Variants in FBF1 observed in about 807,000 individuals in gnomAD.
FBF1 encodes Fas binding factor 1, also known as fas-binding factor 1.
In FBF1, 119 loss-of-function variants were observed where a neutral mutation model predicts 147.2. That is an observed-to-expected ratio of 0.81 (90% CI 0.70 to 0.94). FBF1 has a LOEUF of 0.94. Among genes scored for constraint, FBF1 ranks in the 40% least tolerant of loss-of-function variants. The pLI is 0.00. For missense variants in FBF1, 1,449 were observed against 1,500.8 expected (o/e 0.97, Z 0.57); for synonymous variants, 601 against 609.0 (o/e 0.99, Z 0.19).
intron 8 of FBF1, 149 bp downstream of exon 8, chr17:75,927,927 G>A (rs1379913208): frequency 6.1e-6 from 4 of 650,716 alleles, no homozygotes; most frequent in South Asian, 2.0e-5. Context: ...ACACACACAC[G>A]CACAAATGCT....
At chr17:75,938,975 A>G (rs1405071156) in intron 1 of FBF1, among the ~76,000 whole-genome samples, 1 of 151,938 alleles carries the variant, frequency 6.6e-6, no homozygotes, top group Non-Finnish European at 1.5e-5. Flanking sequence ...AAAATTCCTT[A>G]TAGGGGATGC....
In FBF1 at chr17:75,923,740, C is replaced by T. The variant is rs538310627; in HGVS notation, c.969-99G>A. ...GGCGTCACGATGCCCAGGGACCCTG[C>T]ACAGTCAGCTGAGGCCCAGTGAGCA... On this transcript the variant is annotated intron_variant, in intron 13 of 29. Transcript: ENST00000636174. This position sits in a 1 kb window ranked among gnomAD's most constrained non-coding sequence, Gnocchi z 4.1. The T allele has an allele frequency of 7.3e-6, 9 of 1,236,688 alleles. No homozygotes were observed. In the African/African-American group the frequency reaches 1.2e-4, roughly 17 times the overall value. 76.6% of individuals were successfully genotyped at this position (1,236,688 alleles called of 1,614,324 possible).
In FBF1 at chr17:75,937,580, T is replaced by C; in HGVS notation, c.17A>G (p.Lys6Arg). 1.9e-6 allele frequency: 3 copies of C among 1,614,016 alleles called. No individual in the cohort carries two copies. The highest frequency in any genetic ancestry group is 2.5e-6 in the Non-Finnish European group (3 of 1,179,892). MAPKT[K>R]KGCKGSIDDF... ...TCTCCACTCACCTTTACATCCTTTC[T>C]TGGTTTTTGGTGCCTAAAATGGGAA... Residue 6 changes from lysine (K) to arginine (R), a missense_variant, in exon 3 of 30, where the codon AAG becomes AGG. Lys to Arg is a conservative substitution (Grantham distance 26). Coordinates refer to ENST00000636174, the MANE Select transcript of FBF1 (RefSeq NM_001319193.2).
intron 17 of FBF1, 63 bp from the exon 18 acceptor site, chr17:75,920,492 C>T (rs769851766): frequency 2.3e-5 from 34 of 1,495,510 alleles, no homozygotes; most frequent in Non-Finnish European, 2.6e-5. Flanking sequence ...CTGAGATCAG[C>T]TACCTCCTGG....
rs374920313 is a variant in FBF1, at chr17:75,923,485, G to A, written c.1125C>T (p.Thr375=). The A allele has an allele frequency of 3.1e-6, 5 of 1,607,926 alleles. No homozygotes were observed. The African/African-American group carries it at 6.7e-5, about 21-fold the overall frequency. Residue 375 remains threonine, a synonymous_variant, in exon 14 of 30, where the codon ACC becomes ACT. Transcript: ENST00000636174. The surrounding 1 kb of genome is among the most constrained non-coding windows in gnomAD (Gnocchi z 4.1). ...CTGAACTTTCCCGATGGGCCTCTCT[G>A]GTGGGTGAGGCAGGGAACAGGTCCA... ...EDLDLFPASP[T]REAHRESSVP...
chr17:75,938,318 T>G (rs971623303), intron 1 of FBF1, 86 bp from the exon 2 acceptor site: 2 of 959,146 alleles, frequency 2.1e-6, no homozygotes, highest in Non-Finnish European at 3.2e-6. Context: ...CCCAGCACTT[T>G]CAGAGGCCAA....
At position 75,926,750 on chromosome 17, in the gene FBF1, C is replaced by G; in HGVS notation, c.595+8G>C. The G allele has an allele frequency of 1.2e-6, 2 of 1,611,336 alleles. No homozygotes were observed. The highest frequency in any genetic ancestry group is 1.7e-6 in the Non-Finnish European group (2 of 1,178,738). On this transcript the variant is annotated splice_region_variant and intron_variant, in intron 10 of 29. Coordinates refer to ENST00000636174, the MANE Select transcript of FBF1 (RefSeq NM_001319193.2). ...TCCAGGATGGGAAATGAGCCCACTC[C>G]ACCCTACCTTGATCTCTCACTGTGC...
In FBF1 at chr17:75,937,563, C is replaced by T. The variant is rs1567865093; in HGVS notation, c.31+3G>A. 6.2e-7 allele frequency: 1 copy of T among 1,613,918 alleles called. No homozygotes were observed. The highest frequency in any genetic ancestry group is 1.1e-5 in the South Asian group (1 of 91,072). The stretch of plus-strand genomic sequence containing the variant: ...AAGAGTAATGTTCCATCTCTCCACT[C>T]ACCTTTACATCCTTTCTTGGTTTTT... On this transcript the variant is annotated splice_donor_region_variant and intron_variant, in intron 3 of 29. Coordinates refer to ENST00000636174, the MANE Select transcript of FBF1 (RefSeq NM_001319193.2).
rs1450102360 is a variant in FBF1 at position 75,909,714 on chromosome 17, G to A, written c.*1009C>T. 2.8e-5 allele frequency: 16 copies of A among 578,902 alleles called. No homozygotes were observed. The highest frequency in any genetic ancestry group is 3.1e-5 in the Non-Finnish European group (10 of 323,564). The allele number at this position is 578,902 out of a possible 1,614,324, so 35.9% of individuals were successfully genotyped here. A position where few individuals can be genotyped will look rare whatever the true frequency, so the allele number is the denominator to read the frequency against. The stretch of plus-strand genomic sequence containing the variant: ...CGCAGGTGCTGGAGGGGAGAGGCAC[G>A]TGGCCAGAGGCGCCTGGTCCTGACC... On this transcript the variant is annotated 3_prime_UTR_variant, in exon 30 of 30. Coordinates refer to ENST00000636174, the MANE Select transcript of FBF1 (RefSeq NM_001319193.2).
At chr17:75,927,010 A>G (rs1598158571) in intron 9 of FBF1, 133 bp from the exon 10 acceptor site, 1 of 1,291,804 alleles carries the variant, frequency 7.7e-7, no homozygotes, top group Non-Finnish European at 1.1e-6. Context: ...TGGCATCTGG[A>G]GGGTGGGGCC....
chr17:75,925,803 C>T lies in FBF1; in HGVS notation c.868+227G>A, dbSNP rs1236022578. Among the ~76,000 whole-genome samples the T allele has an allele frequency of 6.6e-6, 1 of 152,214 alleles. No individual in the cohort carries two copies. Among genetic ancestry groups the T allele is most frequent in the African/African-American group, 2.4e-5 (1 of 41,450 alleles). On this transcript the variant is annotated intron_variant, in intron 12 of 29. Coordinates refer to ENST00000636174, the MANE Select transcript of FBF1 (RefSeq NM_001319193.2). This position sits in a 1 kb window ranked among gnomAD's most constrained non-coding sequence, Gnocchi z 5.0. ...AGAAACCAGCTTAATGTGTCACAGC[C>T]AGTGTGTTTCCAAATCAAACAGCAT...
Position 75,923,276 on chromosome 17 carries a change from T to A in FBF1, c.1334A>T (p.Lys445Met), listed in dbSNP as rs769110670. 2 of 1,591,052 alleles carry A rather than the reference T, an allele frequency of 1.3e-6. No homozygotes were observed. Among genetic ancestry groups the A allele is most frequent in the Non-Finnish European group, 1.7e-6 (2 of 1,169,208 alleles). The change falls in exon 14 of 30, where the codon AAG becomes ATG. Residue 445 changes from lysine to methionine, a missense_variant. Coordinates refer to ENST00000636174, the MANE Select transcript of FBF1 (RefSeq NM_001319193.2). The surrounding 1 kb of genome is among the most constrained non-coding windows in gnomAD (Gnocchi z 4.1). ...EDWLSHALSR[K>M]KSQGLAREQH... ...CTCTCTGGCCAGGCCTTGGGACTTC[T>A]TCCGAGACAGGGCATGGCTCAGCCA...
chr17:75,928,576 G>A lies in FBF1; in HGVS notation c.280-383C>T, dbSNP rs1258572164. Among the ~76,000 whole-genome samples the A allele has an allele frequency of 2.0e-5, 3 of 152,118 alleles. No individual in the cohort carries two copies. Among genetic ancestry groups the A allele is most frequent in the Non-Finnish European group, 2.9e-5 (2 of 68,024 alleles). On this transcript the variant is annotated intron_variant, in intron 7 of 29. Transcript: ENST00000636174. The surrounding 1 kb of genome is among the most constrained non-coding windows in gnomAD (Gnocchi z 4.2). ...GCCTAGAATCCCAGCACTTTGGGCC[G>A]AGGCAGGTGGATCACCAGGTCAAGA...
At chr17:75,930,638 T>G (rs1040539833) in intron 6 of FBF1, among the ~76,000 whole-genome samples, 1 of 152,082 alleles carries the variant, frequency 6.6e-6, no homozygotes, top group African/African-American at 2.4e-5. Flanking sequence ...AAAATTATTT[T>G]CTTTGGCTGG....
At chr17:75,911,976 T>C (rs1056434869) in intron 29 of FBF1, among the ~76,000 whole-genome samples, 11 of 152,190 alleles carry the variant, frequency 7.2e-5, no homozygotes, top group Admixed American at 6.6e-4. Flanking sequence ...CTATAGGTTA[T>C]CATGAGGTTT....
At chr17:75,938,864 C>CAAAA (rs11461635) in intron 1 of FBF1, among the ~76,000 whole-genome samples, 3 of 135,760 alleles carry the variant, frequency 2.2e-5, no homozygotes, top group African/African-American at 2.7e-5. Context: ...GACTCCATCT[C>CAAAA]AAAAAAAAAA....
chr17:75,919,589 C>T lies in FBF1; in HGVS notation c.2138+79G>A, dbSNP rs1163412730. On this transcript the variant is annotated intron_variant, in intron 20 of 29. Transcript: ENST00000636174. The surrounding 1 kb of genome is among the most constrained non-coding windows in gnomAD (Gnocchi z 5.0). ...CTGTCCAAAGGCTGCTGAGCCACAG[C>T]GAAGGGTCTCGTGGGGATGGCTCTC... 1.6e-5 allele frequency: 23 copies of T among 1,478,280 alleles called. No individual in the cohort carries two copies. The highest frequency in any genetic ancestry group is 2.0e-5 in the Non-Finnish European group (22 of 1,097,602). 91.6% of individuals were successfully genotyped at this position (1,478,280 alleles called of 1,614,324 possible). A position where few individuals can be genotyped will look rare whatever the true frequency, so the allele number is the denominator to read the frequency against.
At chr17:75,938,418 G>C (rs1176000574) in intron 1 of FBF1, among the ~76,000 whole-genome samples, 186 bp from the exon 2 acceptor site, 1 of 151,822 alleles carries the variant, frequency 6.6e-6, no homozygotes, top group Non-Finnish European at 1.5e-5. Flanking sequence ...AATTAGCTGG[G>C]TGTGGTGGTG....
rs559180618 is a variant in FBF1 at position 75,922,912 on chromosome 17, G to A, written c.1424+274C>T. On this transcript the variant is annotated intron_variant, in intron 14 of 29. Transcript: ENST00000636174. This position sits in a 1 kb window ranked among gnomAD's most constrained non-coding sequence, Gnocchi z 5.0. ...CTCAGGGACCCTCTGTCTTCTCCTCGATCAAGTTAGCACCTGTCCCCATGG... is the reference window on the plus strand; with the variant it reads ...CTCAGGGACCCTCTGTCTTCTCCTCAATCAAGTTAGCACCTGTCCCCATGG... Among the ~76,000 whole-genome samples the A allele has an allele frequency of 2.6e-5, 4 of 152,316 alleles. No homozygotes were observed. The highest frequency in any genetic ancestry group is 2.1e-4 in the South Asian group (1 of 4,822).
Sources: allele counts gnomAD v4.1 joint callset (sites outside exome capture counted in the v4.1 genomes callset), GRCh38; gene constraint gnomAD v4.1.1; non-coding constraint Gnocchi (gnomAD v3.1); transcripts MANE v1.5; gene names NCBI Gene and HGNC (gene_info 2026-07-23, HGNC 2026-07-21).